The following NUMA1 variants were observed in gnomAD, a reference collection of about 807,000 sequenced individuals.
The protein encoded by NUMA1 is nuclear mitotic apparatus protein 1, also known as SP-H antigen.
Under a neutral mutation model 237.1 loss-of-function variants are expected in NUMA1, and 62 were observed. The ratio of observed to expected loss-of-function variants is 0.26; its 90% CI spans 0.21 to 0.32. The LOEUF (loss-of-function observed/expected upper bound fraction) is 0.32, where lower values mean the gene tolerates loss of function less well. NUMA1 is among the 10% of genes least tolerant of loss of function. The pLI is 1.00. For synonymous variants in NUMA1, 1,028 were observed against 1,066.1 expected, an observed-to-expected ratio of 0.96 and a Z score of 0.70; for missense variants, 2,533 against 2,666.5, an observed-to-expected ratio of 0.95 and a Z score of 1.10.
In NUMA1 at chr11:72,018,387, G is replaced by A; in HGVS notation, c.860+9C>T. ...TGGGGCCTGGGAAGGAATGCAGGGA[G>A]AGCTGTACCTCTCATTCTTGTCACG... On this transcript the variant is annotated intron_variant, in intron 11 of 26. Transcript: ENST00000393695. 2 of 1,612,264 alleles carry A rather than the reference G, an allele frequency of 1.2e-6. No homozygotes were observed. Among genetic ancestry groups the A allele is most frequent in the Non-Finnish European group, 1.7e-6 (2 of 1,178,280 alleles).
Position 72,076,525 on chromosome 11 carries a change from C to T in NUMA1, c.-103+3933G>A, listed in dbSNP as rs560239209. 7.7e-4 allele frequency: 118 copies of T among 152,418 alleles called. 2 individuals are homozygous for T. The highest frequency in any genetic ancestry group is 2.9e-3 in the Admixed American group (44 of 15,308). The allele number at this position is 152,418 out of a possible 1,614,324, so 9.4% of individuals were successfully genotyped here. ...TGAGAGCCGGGCACGGTGGCTCACG[C>T]CTGTAATCCCAGCACTTTGGGAGGC... On this transcript the variant is annotated intron_variant, in intron 1 of 26. Transcript: ENST00000393695.
chr11:72,035,699 C>G (rs565532900), intron 3 of NUMA1, among the ~76,000 whole-genome samples: 25 of 152,242 alleles, frequency 1.6e-4, no homozygotes, highest in Middle Eastern at 3.4e-3. Flanking sequence ...GCATAAGCTC[C>G]GCACCCGGCC....
At chr11:72,077,572 T>C (rs1943767923) in intron 1 of NUMA1, among the ~76,000 whole-genome samples, 1 of 152,100 alleles carries the variant, frequency 6.6e-6, no homozygotes, top group African/African-American at 2.4e-5. Context: ...CCCAGCACTC[T>C]GAGAGGCCGA....
Position 72,005,982 on chromosome 11 carries a change from A to T in NUMA1, c.5692+53T>A, listed in dbSNP as rs973869273. 15 of 1,414,848 alleles carry T rather than the reference A, an allele frequency of 1.1e-5. No individual in the cohort carries two copies. In the African/African-American group the frequency reaches 2.1e-4, roughly 20 times the overall value. The allele number at this position is 1,414,848 out of a possible 1,614,324, so 87.6% of individuals were successfully genotyped here. ...GCTTTCCTCTTTTCCCTGTGCCACGATCCACCTTCCAGTCTAATTTTGGGG... is the reference window on the plus strand; with the variant it reads ...GCTTTCCTCTTTTCCCTGTGCCACGTTCCACCTTCCAGTCTAATTTTGGGG... On this transcript the variant is annotated intron_variant, in intron 22 of 26. Coordinates refer to ENST00000393695, the MANE Select transcript of NUMA1 (RefSeq NM_006185.4).
chr11:72,048,799 A>C (rs1942149335), intron 2 of NUMA1, among the ~76,000 whole-genome samples: 1 of 152,200 alleles, frequency 6.6e-6, no homozygotes, highest in African/African-American at 2.4e-5. Flanking sequence ...TAAAAACAGC[A>C]AGCACCAAGA....
At chr11:72,019,007 T>C (rs373244317) in intron 9 of NUMA1, 27 bp from the exon 10 acceptor site, 19 of 1,611,502 alleles carry the variant, frequency 1.2e-5, no homozygotes, top group Admixed American at 3.3e-5. Context: ...CCCATATGCA[T>C]TGGTAAGCGC....
chr11:72,004,371 G>T, intron 24 of NUMA1, 30 bp from the exon 25 acceptor site: 3 of 1,581,634 alleles, frequency 1.9e-6, no homozygotes, highest in African/African-American at 2.7e-5. Context: ...TAGGCAGACA[G>T]TAGCAAGAGG....
At chr11:72,027,554 T>A (rs1441075165) in intron 4 of NUMA1, among the ~76,000 whole-genome samples, 1 of 150,654 alleles carries the variant, frequency 6.6e-6, no homozygotes. Context: ...TCTATAAGAT[T>A]AAAAAAAAAT....
chr11:72,020,871 C>CA (rs1208122273), intron 8 of NUMA1: 133 of 174,718 alleles, frequency 7.6e-4, no homozygotes, highest in Middle Eastern at 5.0e-3. Flanking sequence ...GACTCTGTCT[C>CA]AAAAAAAAAT....
At position 72,009,018 on chromosome 11, in the gene NUMA1, A is replaced by G. The variant is rs747150318; in HGVS notation, c.5007T>C (p.Ala1669=). 3 of 1,613,812 alleles carry G rather than the reference A, an allele frequency of 1.9e-6. No homozygotes were observed. Among genetic ancestry groups the G allele is most frequent in the Admixed American group, 1.7e-5 (1 of 60,030 alleles). ...CAGTAAGGTGGCGGCAGGTCTGTTC[A>G]GCCTCCTTGGTCTTCAGCCCAGCCT... The part of the protein sequence containing the change: ...LQQAGLKTKE[A]EQTCRHLTAQ... The change falls in exon 19 of 27, where the codon GCT becomes GCC. Residue 1669 remains alanine (A), a synonymous_variant. Transcript: ENST00000393695.
chr11:72,004,864 G>A, intron 23 of NUMA1, 48 bp from the exon 24 acceptor site: 1 of 1,502,258 alleles, frequency 6.7e-7, no homozygotes, highest in South Asian at 1.3e-5. Context: ...GTATGGAGAT[G>A]GAGGAGGACC....
At position 72,014,741 on chromosome 11, in the gene NUMA1, G is replaced by T. The variant is rs1253091894; in HGVS notation, c.2762C>A (p.Thr921Asn). 2.5e-6 allele frequency: 4 copies of T among 1,613,986 alleles called. No homozygotes were observed. The African/African-American group carries it at 4.0e-5, about 16-fold the overall frequency. Residue 921 changes from threonine (T) to asparagine (N), a missense_variant, in exon 15 of 27, where the codon ACC becomes AAC. This residue lies in a region of NUMA1 where 1,414 missense variants were observed against 1,508.1 expected (regional missense o/e 0.94). Transcript: ENST00000393695. This position sits in a 1 kb window ranked among gnomAD's most constrained non-coding sequence, Gnocchi z 4.6. ...ATSKEVARLE[T>N]LVRKAGEQQE... ...CTGCTCACCTGCCTTGCGCACCAAG[G>T]TCTCCAAGCGGGCCACCTCTTTGCT...
At chr11:72,010,159 T>C (rs1956050799) in intron 17 of NUMA1, among the ~76,000 whole-genome samples, 2 of 152,206 alleles carry the variant, frequency 1.3e-5, no homozygotes. Context: ...GAAATGAAGC[T>C]CTGAGCTCCC....
In NUMA1 at chr11:72,016,445, G is replaced by A; in HGVS notation, c.1205C>T (p.Pro402Leu). ...ACCCAGCACCTCGCCCTTCTCCTGG[G>A]GTGGGTTATCCTGCAGCTGGGACAA... ...EHLSQLQDNP[P>L]QEKGEVLGDV... Residue 402 changes from proline (P) to leucine (L), a missense_variant, in exon 14 of 27, where the codon CCC (proline) becomes CTC (leucine). This residue lies in a region of NUMA1 where 1,414 missense variants were observed against 1,508.1 expected (regional missense o/e 0.94). Transcript: ENST00000393695. 4.3e-6 allele frequency: 7 copies of A among 1,614,082 alleles called. No homozygotes were observed. Among genetic ancestry groups the A allele is most frequent in the Non-Finnish European group, 5.9e-6 (7 of 1,180,036 alleles).
At chr11:72,006,292 G>A (rs770257497) in intron 21 of NUMA1, 29 bp from the exon 22 acceptor site, 4 of 1,595,396 alleles carry the variant, frequency 2.5e-6, no homozygotes, top group Admixed American at 3.3e-5. Context: ...CTGTTGCAGT[G>A]TACAGTCCCT....
In NUMA1 at chr11:72,013,479, C is replaced by T; in HGVS notation, c.4024G>A (p.Ala1342Thr). The T allele has an allele frequency of 6.2e-7, 1 of 1,613,444 alleles. No individual in the cohort carries two copies. Among genetic ancestry groups the T allele is most frequent in the Non-Finnish European group, 8.5e-7 (1 of 1,180,030 alleles). ...WQEKFFQKEQ[A>T]LSTLQLEHTS... ...TGCTCGAGCTGCAGGGTGGAGAGGG[C>T]CTGCTCTTTCTGGAAGAACTTCTCC... The change falls in exon 15 of 27, where the codon GCC becomes ACC. Residue 1342 changes from alanine to threonine, a missense_variant. Ala to Thr is a moderately conservative substitution (Grantham distance 58). This residue lies in a region of NUMA1 where 324 missense variants were observed against 407.6 expected (regional missense o/e 0.79). Transcript: ENST00000393695. This position sits in a 1 kb window ranked among gnomAD's most constrained non-coding sequence, Gnocchi z 6.8.
chr11:72,014,899 G>T lies in NUMA1; in HGVS notation c.2604C>A (p.Ser868Arg). Reference protein sequence around the residue: ...GIESHSELQISRQQNELAELH... With the variant: ...GIESHSELQIRRQQNELAELH... Reference sequence around the variant, plus strand: ...GCTCAGCTAGTTCGTTCTGCTGCCGGCTTATCTGGAGCTCGCTGTGGGATT... The same window carrying T: ...GCTCAGCTAGTTCGTTCTGCTGCCGTCTTATCTGGAGCTCGCTGTGGGATT... The change falls in exon 15 of 27, where the codon AGC (serine) becomes AGA (arginine). Residue 868 changes from serine (S) to arginine (R), a missense_variant. This residue lies in a region of NUMA1 where 1,414 missense variants were observed against 1,508.1 expected (regional missense o/e 0.94). Coordinates refer to ENST00000393695, the MANE Select transcript of NUMA1 (RefSeq NM_006185.4). This position sits in a 1 kb window ranked among gnomAD's most constrained non-coding sequence, Gnocchi z 4.6. 6.2e-7 allele frequency: 1 copy of T among 1,614,186 alleles called. No homozygotes were observed. The highest frequency in any genetic ancestry group is 1.1e-5 in the South Asian group (1 of 91,082).
At chr11:72,056,626 C>T (rs1942659956) in intron 2 of NUMA1, among the ~76,000 whole-genome samples, 1 of 77,116 alleles carries the variant, frequency 1.3e-5, no homozygotes, top group Non-Finnish European at 2.6e-5. Context: ...GACCAAGATC[C>T]CATCTCTTTA....
chr11:72,009,476 T>C (rs1955996539), intron 17 of NUMA1, 89 bp from the exon 18 acceptor site: 2 of 1,472,620 alleles, frequency 1.4e-6, no homozygotes, highest in Admixed American at 2.3e-5. Flanking sequence ...CCACAGGTGC[T>C]TCAGACTCCT....
Sources: allele counts gnomAD v4.1 joint callset (sites outside exome capture counted in the v4.1 genomes callset), GRCh38; gene constraint gnomAD v4.1.1; regional missense constraint gnomAD v4.1.1; non-coding constraint Gnocchi (gnomAD v3.1); transcripts MANE v1.5; gene names NCBI Gene and HGNC (gene_info 2026-07-23, HGNC 2026-07-21).